The following TSPAN5 variants were observed in gnomAD, a reference collection of about 807,000 sequenced individuals.
TSPAN5 encodes tetraspanin-5.
In TSPAN5, 10 loss-of-function variants were observed where a neutral mutation model predicts 37.1. The observed-to-expected ratio is 0.27, with a 90% confidence interval of 0.17 to 0.46. TSPAN5 has a LOEUF of 0.46. Among genes scored for constraint, TSPAN5 ranks in the 20% least tolerant of loss-of-function variants. TSPAN5 has a pLI of 1.00. For missense variants in TSPAN5, 195 were observed against 326.6 expected, an observed-to-expected ratio of 0.60 and a Z score of 3.11; for synonymous variants, 110 against 118.9, an observed-to-expected ratio of 0.93 and a Z score of 0.48.
At chr4:98,486,609 T>C in intron 3 of TSPAN5, 129 bp downstream of exon 3, 8 of 1,030,368 alleles carry the variant, frequency 7.8e-6, no homozygotes, top group Non-Finnish European at 1.0e-5. Context: ...CAAAAGAAAA[T>C]AATGACCTGG....
intron 1 of TSPAN5, among the ~76,000 whole-genome samples, chr4:98,564,142 G>A (rs1050165680): frequency 6.6e-6 from 1 of 152,188 alleles, no homozygotes; most frequent in East Asian, 1.9e-4. Flanking sequence ...AGCCCCTCCT[G>A]TTATCACTGC....
At chr4:98,482,531 A>T (rs1210522209) in intron 3 of TSPAN5, 2 of 169,000 alleles carry the variant, frequency 1.2e-5, no homozygotes, top group African/African-American at 4.8e-5. Flanking sequence ...ACCTGCCCCT[A>T]TCTCTAGTAA....
At chr4:98,538,979 G>A (rs1754299072) in intron 1 of TSPAN5, among the ~76,000 whole-genome samples, 1 of 152,018 alleles carries the variant, frequency 6.6e-6, no homozygotes, top group East Asian at 1.9e-4. Flanking sequence ...ATAAATGCCT[G>A]TATTACCTAC....
At chr4:98,512,094 T>A (rs1311216103) in intron 1 of TSPAN5, among the ~76,000 whole-genome samples, 1 of 152,110 alleles carries the variant, frequency 6.6e-6, no homozygotes, top group East Asian at 1.9e-4. Flanking sequence ...ACACCTGTAG[T>A]CCCAGCTACT....
chr4:98,532,172 T>C (rs999031728), intron 1 of TSPAN5, among the ~76,000 whole-genome samples: 1 of 152,174 alleles, frequency 6.6e-6, no homozygotes, highest in Admixed American at 6.5e-5. Flanking sequence ...GGTTTTCTTC[T>C]AGGATTTTTA....
chr4:98,478,874 A>G, intron 4 of TSPAN5, 64 bp from the exon 5 acceptor site: 1 of 1,577,208 alleles, frequency 6.3e-7, no homozygotes, highest in Non-Finnish European at 8.6e-7. Context: ...CTACACTCAC[A>G]CCCGCCGAAC....
intron 1 of TSPAN5, among the ~76,000 whole-genome samples, chr4:98,553,000 T>A (rs2110157455): frequency 6.6e-6 from 1 of 152,304 alleles, no homozygotes; most frequent in Non-Finnish European, 1.5e-5. Context: ...AACATGAAAG[T>A]TTTGAAATGA....
At chr4:98,529,873 A>G (rs1754043118) in intron 1 of TSPAN5, among the ~76,000 whole-genome samples, 1 of 152,238 alleles carries the variant, frequency 6.6e-6, no homozygotes. Flanking sequence ...TGGCTTTGAG[A>G]CCAAAAACTG....
At chr4:98,571,347 G>A (rs1755113602) in intron 1 of TSPAN5, among the ~76,000 whole-genome samples, 1 of 152,056 alleles carries the variant, frequency 6.6e-6, no homozygotes, top group Admixed American at 6.5e-5. Context: ...AGGGAGTCTG[G>A]GGAAAGGGGA....
chr4:98,488,508 G>A (rs1753021248), intron 2 of TSPAN5, among the ~76,000 whole-genome samples: 2 of 152,134 alleles, frequency 1.3e-5, no homozygotes, highest in African/African-American at 4.8e-5. Flanking sequence ...ATGGTTGAAA[G>A]GCTATTAAAG....
chr4:98,480,920 G>A (rs1752825236), intron 4 of TSPAN5, among the ~76,000 whole-genome samples: 3 of 152,264 alleles, frequency 2.0e-5, no homozygotes, highest in South Asian at 4.1e-4. Flanking sequence ...AGTCCTGAGT[G>A]CCTAAGGAAG....
intron 5 of TSPAN5, among the ~76,000 whole-genome samples, chr4:98,477,019 T>G (rs1752717604): frequency 6.6e-6 from 1 of 152,266 alleles, no homozygotes. Context: ...TTTATTTTCC[T>G]TCTCTGCGGG....
intron 1 of TSPAN5, among the ~76,000 whole-genome samples, chr4:98,578,038 T>C (rs1225290372): frequency 1.3e-5 from 2 of 152,218 alleles, no homozygotes; most frequent in Non-Finnish European, 2.9e-5. Context: ...GATCACAAGA[T>C]TCAACACACA....
chr4:98,532,083 T>C (rs1754106897), intron 1 of TSPAN5, among the ~76,000 whole-genome samples: 1 of 152,254 alleles, frequency 6.6e-6, no homozygotes, highest in Non-Finnish European at 1.5e-5. Flanking sequence ...TTTGTCTATT[T>C]TGGCTTTTGT....
At chr4:98,574,003 A>G (rs765712308) in intron 1 of TSPAN5, among the ~76,000 whole-genome samples, 1 of 152,202 alleles carries the variant, frequency 6.6e-6, no homozygotes, top group Non-Finnish European at 1.5e-5. Context: ...TCACGCATCA[A>G]CTGTATTTAC....
At chr4:98,500,942 C>T (rs1367746231) in intron 2 of TSPAN5, among the ~76,000 whole-genome samples, 1 of 152,116 alleles carries the variant, frequency 6.6e-6, no homozygotes, top group Non-Finnish European at 1.5e-5. Context: ...ACATTCAATT[C>T]ACACTAAGGA....
At chr4:98,640,695 G>T (rs1756946697) in intron 1 of TSPAN5, among the ~76,000 whole-genome samples, 1 of 152,150 alleles carries the variant, frequency 6.6e-6, no homozygotes, top group Non-Finnish European at 1.5e-5. Flanking sequence ...AATGGGTGGG[G>T]GACAAAGGAA....
chr4:98,529,971 A>C (rs569684915), intron 1 of TSPAN5, among the ~76,000 whole-genome samples: 3 of 152,308 alleles, frequency 2.0e-5, no homozygotes, highest in East Asian at 3.9e-4. Flanking sequence ...GAAGCACAAA[A>C]CCCAGCTTTG....
chr4:98,609,506 T>A (rs543922111), intron 1 of TSPAN5, among the ~76,000 whole-genome samples: 1 of 152,208 alleles, frequency 6.6e-6, no homozygotes, highest in Non-Finnish European at 1.5e-5. Context: ...TGAAAAACAG[T>A]GGCAACAGCC....
Sources: gnomAD v4.1 joint callset for allele counts (sites outside exome capture counted in the v4.1 genomes callset) on GRCh38, gnomAD v4.1.1 for gene constraint, MANE v1.5 for transcripts, NCBI Gene and HGNC (gene_info 2026-07-23, HGNC 2026-07-21) for gene names.